The following MCHR2 variants were observed in gnomAD, a reference collection of about 807,000 sequenced individuals.
MCHR2 encodes melanin concentrating hormone receptor 2, also known as melanin-concentrating hormone receptor 2.
MCHR2 carries 15 observed loss-of-function variants against 24.8 expected under a neutral mutation model. The observed-to-expected ratio is 0.60, with a 90% CI of 0.40 to 0.93. MCHR2 has a LOEUF of 0.93. Ranked by LOEUF, MCHR2 falls within the 40% of genes least tolerant of loss-of-function variation. The pLI is 0.00. For synonymous variants in MCHR2, 151 were observed against 147.6 expected, an observed-to-expected ratio of 1.02 and a Z score of -0.17; for missense variants, 386 against 408.7, an observed-to-expected ratio of 0.94 and a Z score of 0.48.
intron 1 of MCHR2, among the ~76,000 whole-genome samples, chr6:99,992,644 A>G (rs1253449746): frequency 1.3e-5 from 2 of 152,200 alleles, no homozygotes; most frequent in Non-Finnish European, 2.9e-5. Flanking sequence ...TGTGGCCTGT[A>G]CATTGGTGGT....
intron 1 of MCHR2, among the ~76,000 whole-genome samples, chr6:99,957,163 A>T (rs1452098872): frequency 6.6e-6 from 1 of 152,104 alleles, no homozygotes; most frequent in African/African-American, 2.4e-5. Flanking sequence ...CCATGTCTGG[A>T]TGAAGTCCAG....
At chr6:99,969,378 G>A (rs1362868430) in intron 1 of MCHR2, among the ~76,000 whole-genome samples, 1 of 148,584 alleles carries the variant, frequency 6.7e-6, no homozygotes, top group African/African-American at 2.5e-5. Context: ...GGAGGCTGAG[G>A]CAGCAGAATT....
Position 99,955,962 on chromosome 6 carries a change from T to G in MCHR2, c.182+4A>C. 1 of 1,538,870 alleles carries G rather than the reference T, an allele frequency of 6.5e-7. No individual in the cohort carries two copies. Reference sequence around the variant, plus strand: ...AAAAAAAAAAAAAAGGAGCCATTCCTTACCTTATTATAGTGAATACAATGA... The same window carrying G: ...AAAAAAAAAAAAAAGGAGCCATTCCGTACCTTATTATAGTGAATACAATGA... On this transcript the variant is annotated splice_donor_region_variant and intron_variant, in intron 2 of 5. Coordinates refer to ENST00000281806, the MANE Select transcript of MCHR2 (RefSeq NM_001040179.2).
chr6:99,990,387 GTA>G (rs1328431878), intron 1 of MCHR2, among the ~76,000 whole-genome samples: 1 of 152,040 alleles, frequency 6.6e-6, no homozygotes, highest in Non-Finnish European at 1.5e-5. Context: ...TATTTACCCT[GTA>G]TGTGTGTGTG....
At chr6:99,974,739 G>A (rs1428382219) in intron 1 of MCHR2, among the ~76,000 whole-genome samples, 1 of 152,096 alleles carries the variant, frequency 6.6e-6, no homozygotes, top group Non-Finnish European at 1.5e-5. Context: ...AGGGTTTTTG[G>A]TGTGTACTTC....
rs1467800689 is a variant in MCHR2, at chr6:99,927,211, C to T, written c.708-5956G>A. On this transcript the variant is annotated intron_variant, in intron 5 of 5. Coordinates refer to ENST00000281806, the MANE Select transcript of MCHR2 (RefSeq NM_001040179.2). ...TTGATCTATATCTCTGTTTTGGTACCAGTACCATGCTGTTTTGGTTACTGC... is the reference window on the plus strand; with the variant it reads ...TTGATCTATATCTCTGTTTTGGTACTAGTACCATGCTGTTTTGGTTACTGC... Among the ~76,000 whole-genome samples the T allele has an allele frequency of 4.6e-5, 7 of 152,070 alleles. No homozygotes were observed. In the East Asian group the frequency reaches 1.2e-3, roughly 25 times the overall value.
chr6:99,940,129 T>C (rs1033905226), intron 4 of MCHR2, among the ~76,000 whole-genome samples: 4 of 152,054 alleles, frequency 2.6e-5, no homozygotes, highest in African/African-American at 9.7e-5. Flanking sequence ...TTTACATCTT[T>C]CTCAATTTGG....
chr6:99,944,148 G>A (rs1200638238), intron 3 of MCHR2, among the ~76,000 whole-genome samples: 2 of 152,156 alleles, frequency 1.3e-5, no homozygotes, highest in Non-Finnish European at 2.9e-5. Context: ...ATTTCATGGG[G>A]AGGCATTTTT....
At chr6:99,927,002 T>C (rs977103658) in intron 5 of MCHR2, among the ~76,000 whole-genome samples, 4 of 152,206 alleles carry the variant, frequency 2.6e-5, no homozygotes, top group Non-Finnish European at 5.9e-5. Flanking sequence ...CATGTTGAAT[T>C]AATTTTTGTA....
chr6:99,923,109 C>T (rs1380675142), intron 5 of MCHR2, among the ~76,000 whole-genome samples: 1 of 151,932 alleles, frequency 6.6e-6, no homozygotes, highest in Non-Finnish European at 1.5e-5. Flanking sequence ...TCTTTCACTT[C>T]TTTGTTAAGT....
At position 99,947,987 on chromosome 6, in the gene MCHR2, G is replaced by A; in HGVS notation, c.183-16C>T. On this transcript the variant is annotated splice_polypyrimidine_tract_variant and intron_variant, in intron 2 of 5. Transcript: ENST00000281806. ...TTTCCTGGATCTGAAAGAGATAGAG[G>A]AAACTGAGGATTGACATTGAATGTA... 6.2e-7 allele frequency: 1 copy of A among 1,604,728 alleles called. No homozygotes were observed. The highest frequency in any genetic ancestry group is 8.5e-7 in the Non-Finnish European group (1 of 1,172,966).
chr6:99,947,161 A>C (rs1252294897), intron 3 of MCHR2, among the ~76,000 whole-genome samples: 1 of 152,196 alleles, frequency 6.6e-6, no homozygotes, highest in African/African-American at 2.4e-5. Context: ...CATTTCTAAT[A>C]ATATAAAATA....
chr6:99,958,492 C>A (rs1775113608), intron 1 of MCHR2, among the ~76,000 whole-genome samples: 1 of 151,590 alleles, frequency 6.6e-6, no homozygotes, highest in South Asian at 2.1e-4. Context: ...ATTCCATAAA[C>A]AAGACACAGA....
intron 4 of MCHR2, among the ~76,000 whole-genome samples, chr6:99,939,221 T>C (rs1172217042): frequency 6.6e-6 from 1 of 152,106 alleles, no homozygotes; most frequent in East Asian, 1.9e-4. Context: ...TGCCATCTTG[T>C]TGCTTATTTT....
chr6:99,931,509 G>C (rs1178171968), intron 5 of MCHR2, among the ~76,000 whole-genome samples: 4 of 152,192 alleles, frequency 2.6e-5, no homozygotes, highest in Non-Finnish European at 4.4e-5. Context: ...GAGCTTCCAG[G>C]CTGCTTTGTT....
At chr6:99,945,981 T>G (rs1436548126) in intron 3 of MCHR2, among the ~76,000 whole-genome samples, 1 of 152,082 alleles carries the variant, frequency 6.6e-6, no homozygotes, top group Non-Finnish European at 1.5e-5. Context: ...GCCCATTCAC[T>G]TCATTTACAG....
chr6:99,990,021 C>A (rs1775840122), intron 1 of MCHR2, among the ~76,000 whole-genome samples: 1 of 148,244 alleles, frequency 6.7e-6, no homozygotes, highest in South Asian at 2.2e-4. Context: ...AAGGCATTTT[C>A]AACCAAGTAA....
At chr6:99,938,114 GGTTT>G in intron 4 of MCHR2, among the ~76,000 whole-genome samples, 3 of 151,814 alleles carry the variant, frequency 2.0e-5, no homozygotes, top group African/African-American at 7.2e-5. Context: ...TCTAGCTAAA[GGTTT>G]GTTGGTTTTG....
chr6:99,955,908 T>G, intron 2 of MCHR2, 58 bp downstream of exon 2: 1 of 1,360,026 alleles, frequency 7.4e-7, no homozygotes. Context: ...TTAGGGAGCT[T>G]TGACTGTAGT....
Sources: gnomAD v4.1 joint callset for allele counts (sites outside exome capture counted in the v4.1 genomes callset) on GRCh38, gnomAD v4.1.1 for gene constraint, MANE v1.5 for transcripts, NCBI Gene and HGNC (gene_info 2026-07-23, HGNC 2026-07-21) for gene names.